NXPH1: variants seen among roughly 807,000 people sequenced by gnomAD.
NXPH1 encodes neurexophilin 1.
Under a neutral mutation model 23.7 loss-of-function variants are expected in NXPH1, and 5 were observed. That is an observed-to-expected ratio of 0.21 (90% confidence interval 0.11 to 0.44). The LOEUF is 0.44. Among genes scored for constraint, NXPH1 ranks in the 20% least tolerant of loss-of-function variants. NXPH1 has a pLI of 0.99. For missense variants in NXPH1, 324 were observed against 321.6 expected (o/e 1.01, Z -0.06); for synonymous variants, 144 against 122.2 (o/e 1.18, Z -1.18).
At chr7:8,744,281 G>A (rs1322637306) in intron 2 of NXPH1, among the ~76,000 whole-genome samples, 1 of 152,190 alleles carries the variant, frequency 6.6e-6, no homozygotes, top group African/African-American at 2.4e-5. Context: ...TAGAGAGCCA[G>A]CTCCTTTGGT....
At chr7:8,441,767 G>T (rs958879134) in intron 2 of NXPH1, among the ~76,000 whole-genome samples, 2 of 152,204 alleles carry the variant, frequency 1.3e-5, no homozygotes, top group Non-Finnish European at 2.9e-5. Flanking sequence ...GCGCGTTTGC[G>T]CATTTTCCAA....
chr7:8,691,068 C>T (rs1159291443), intron 2 of NXPH1, among the ~76,000 whole-genome samples: 1 of 152,106 alleles, frequency 6.6e-6, no homozygotes. Context: ...CTCTCTCAGC[C>T]CTAGTGTTTT....
chr7:8,533,845 G>T (rs537036368), intron 2 of NXPH1, among the ~76,000 whole-genome samples: 9 of 152,194 alleles, frequency 5.9e-5, no homozygotes, highest in African/African-American at 1.7e-4. Flanking sequence ...GGTGTCAAGG[G>T]GAGGAAGAAG....
chr7:8,723,964 T>C (rs569274948), intron 2 of NXPH1, among the ~76,000 whole-genome samples: 92 of 152,330 alleles, frequency 6.0e-4, no homozygotes, highest in Non-Finnish European at 1.2e-3. Flanking sequence ...TTAGACTACT[T>C]TCCAATAAGT....
rs1327750283 is a variant in NXPH1 at position 8,734,373 on chromosome 7, A to G, written c.55-16635A>G. ...GCTATACGGGCTCTTTTTTGGTTCT[A>G]TATGAAATTTAATGTAGTTTTTTCT... On this transcript the variant is annotated intron_variant, in intron 2 of 2. Coordinates refer to ENST00000405863, the MANE Select transcript of NXPH1 (RefSeq NM_152745.3). Among the ~76,000 whole-genome samples the G allele has an allele frequency of 3.3e-5, 5 of 152,130 alleles. No homozygotes were observed. The South Asian group carries it at 8.3e-4, about 25-fold the overall frequency.
intron 2 of NXPH1, among the ~76,000 whole-genome samples, chr7:8,572,615 A>G (rs537466047): frequency 6.6e-6 from 1 of 152,208 alleles, no homozygotes; most frequent in South Asian, 2.1e-4. Context: ...AGACTCTGAT[A>G]TTAAGCAGAT....
chr7:8,739,266 C>T (rs1352288728), intron 2 of NXPH1, among the ~76,000 whole-genome samples: 3 of 150,576 alleles, frequency 2.0e-5, no homozygotes, highest in Non-Finnish European at 2.9e-5. Flanking sequence ...AAACTCAGGG[C>T]CCTGGTGGTA....
chr7:8,721,563 C>A (rs941502124), intron 2 of NXPH1, among the ~76,000 whole-genome samples: 2 of 152,050 alleles, frequency 1.3e-5, no homozygotes, highest in Non-Finnish European at 2.9e-5. Context: ...ATCACGAGGT[C>A]AGGAGATCGA....
chr7:8,490,410 GT>G (rs576239702), intron 2 of NXPH1, among the ~76,000 whole-genome samples: 3,211 of 139,646 alleles, frequency 0.023, 95 homozygotes, highest in African/African-American at 0.072. Context: ...TACACAGGCT[GT>G]TTTTTTTTTT....
At chr7:8,700,606 C>G (rs955871167) in intron 2 of NXPH1, among the ~76,000 whole-genome samples, 8 of 152,150 alleles carry the variant, frequency 5.3e-5, no homozygotes, top group Admixed American at 2.6e-4. Context: ...CATTAGAGTA[C>G]AATGTGGTCT....
intron 2 of NXPH1, among the ~76,000 whole-genome samples, chr7:8,736,479 C>T (rs1346380607): frequency 6.6e-6 from 1 of 152,168 alleles, no homozygotes; most frequent in Non-Finnish European, 1.5e-5. Flanking sequence ...TTTGATGGCA[C>T]TGTGGCCTGA....
intron 2 of NXPH1, among the ~76,000 whole-genome samples, chr7:8,614,137 T>C (rs1041670595): frequency 1.3e-5 from 2 of 151,832 alleles, no homozygotes; most frequent in Non-Finnish European, 2.9e-5. Context: ...TTGCATAGTA[T>C]TTCCGTGGAT....
At chr7:8,479,529 C>A (rs1460111651) in intron 2 of NXPH1, among the ~76,000 whole-genome samples, 2 of 152,100 alleles carry the variant, frequency 1.3e-5, no homozygotes, top group African/African-American at 4.8e-5. Context: ...TCTGTCTCTG[C>A]CCCCTTAAAG....
At chr7:8,504,590 G>A (rs1176827313) in intron 2 of NXPH1, among the ~76,000 whole-genome samples, 1 of 152,034 alleles carries the variant, frequency 6.6e-6, no homozygotes, top group Non-Finnish European at 1.5e-5. Context: ...AATAGTAAAT[G>A]AATGGAGAAC....
chr7:8,740,446 T>G (rs1780342404), intron 2 of NXPH1, among the ~76,000 whole-genome samples: 1 of 152,198 alleles, frequency 6.6e-6, no homozygotes, highest in South Asian at 2.1e-4. Flanking sequence ...TTAGGTATTA[T>G]CTAAATTTTT....
At chr7:8,506,084 T>C (rs1327868634) in intron 2 of NXPH1, among the ~76,000 whole-genome samples, 1 of 151,972 alleles carries the variant, frequency 6.6e-6, no homozygotes, top group Non-Finnish European at 1.5e-5. Flanking sequence ...CAAAATATCC[T>C]TGAGGAACTT....
intron 2 of NXPH1, among the ~76,000 whole-genome samples, chr7:8,687,258 C>T (rs1821160937): frequency 6.6e-6 from 1 of 152,022 alleles, no homozygotes; most frequent in Non-Finnish European, 1.5e-5. Flanking sequence ...GGATTGGGCA[C>T]TGCCTGAGTG....
At chr7:8,508,936 C>A (rs1483120491) in intron 2 of NXPH1, among the ~76,000 whole-genome samples, 2 of 152,054 alleles carry the variant, frequency 1.3e-5, no homozygotes, top group Non-Finnish European at 2.9e-5. Flanking sequence ...GATCCATGGC[C>A]AAAGATAAAG....
chr7:8,705,667 G>A (rs1779692026), intron 2 of NXPH1, among the ~76,000 whole-genome samples: 1 of 152,110 alleles, frequency 6.6e-6, no homozygotes, highest in Non-Finnish European at 1.5e-5. Context: ...GCAAATCAAC[G>A]TAGCCCTTTG....
Sources: gnomAD v4.1 joint callset for allele counts (sites outside exome capture counted in the v4.1 genomes callset) on GRCh38, gnomAD v4.1.1 for gene constraint, MANE v1.5 for transcripts, NCBI Gene and HGNC (gene_info 2026-07-23, HGNC 2026-07-21) for gene names.